The following SLC11A1 variants were observed in gnomAD, a reference collection of about 807,000 sequenced individuals.
SLC11A1 encodes the protein solute carrier family 11 member 1.
SLC11A1 carries 59 observed loss-of-function variants against 63.2 expected under a neutral mutation model. The ratio of observed to expected loss-of-function variants is 0.93; its 90% CI spans 0.76 to 1.16. SLC11A1 has a LOEUF of 1.16. Ranked by LOEUF, SLC11A1 falls within the 50% of genes most tolerant of loss-of-function variation. SLC11A1 has a pLI of 0.00. For synonymous variants in SLC11A1, 305 were observed against 307.8 expected (o/e 0.99, Z 0.09); for missense variants, 688 against 730.7 (o/e 0.94, Z 0.67).
Position 218,394,977 on chromosome 2 carries a change from A to C in SLC11A1, c.1595A>C (p.His532Pro). The change falls in exon 15 of 15, where the codon CAC (histidine) becomes CCC (proline). Residue 532 changes from histidine to proline, a missense_variant. By Grantham distance (77) the His-to-Pro change is moderately conservative (BLOSUM62 -2). Coordinates refer to ENST00000233202, the MANE Select transcript of SLC11A1 (RefSeq NM_000578.4). ...GCCACCTTTCTGGCCCACAGCTCCC[A>C]CCACCACTTCCTGTATGGGCTCCTT... ...HGATFLAHSSHHHFLYGLLEE... is the reference protein window; with the variant it reads ...HGATFLAHSSPHHFLYGLLEE... 2 of 1,613,366 alleles carry C rather than the reference A, an allele frequency of 1.2e-6. No individual in the cohort carries two copies. Among genetic ancestry groups the C allele is most frequent in the Non-Finnish European group, 8.5e-7 (1 of 1,179,738 alleles).
Position 218,384,075 on chromosome 2 carries a change from T to C in SLC11A1, c.151-168T>C. The C allele has an allele frequency of 1.7e-6, 1 of 571,780 alleles. No homozygotes were observed. Among genetic ancestry groups the C allele is most frequent in the Non-Finnish European group, 2.9e-6 (1 of 344,058 alleles). 35.4% of individuals were successfully genotyped at this position (571,780 alleles called of 1,614,324 possible). A position where few individuals can be genotyped will look rare whatever the true frequency, so the allele number is the denominator to read the frequency against. ...TGACTCATCAGAGCATGCTGCTTCC[T>C]CCACCCATGCCCTCCCCATCCCTTG... On this transcript the variant is annotated intron_variant, in intron 2 of 14. Transcript: ENST00000233202. The surrounding 1 kb of genome is among the most constrained non-coding windows in gnomAD (Gnocchi z 4.0).
chr2:218,386,970 A>G (rs1248413367), intron 5 of SLC11A1, 190 bp from the exon 6 acceptor site: 5 of 651,482 alleles, frequency 7.7e-6, no homozygotes, highest in Non-Finnish European at 1.4e-5. Context: ...GCCGGGTGCC[A>G]GGTCTCTCCT....
chr2:218,389,745 A>T, intron 8 of SLC11A1, 125 bp from the exon 9 acceptor site: 1 of 959,936 alleles, frequency 1.0e-6, no homozygotes, highest in Non-Finnish European at 1.5e-6. Context: ...AACCTGCCCC[A>T]GACTGCCACG....
intron 6 of SLC11A1, 21 bp from the exon 7 acceptor site, chr2:218,387,538 GTTTAGT>G (rs1559119029): frequency 6.2e-7 from 1 of 1,610,490 alleles, no homozygotes; most frequent in Non-Finnish European, 8.5e-7. Context: ...TCGTTGGTTT[GTTTAGT>G]TTGTTTGTTC....
At chr2:218,391,327 CT>C in intron 10 of SLC11A1, 40 bp downstream of exon 10, 1 of 1,613,818 alleles carries the variant, frequency 6.2e-7, no homozygotes, top group Non-Finnish European at 8.5e-7. Context: ...CCCAGAGAGG[CT>C]CCCCGCCTCG....
rs1196784160 is a variant in SLC11A1 at position 218,382,334 on chromosome 2, C to T, written c.-35C>T. On this transcript the variant is annotated 5_prime_UTR_variant, in exon 1 of 15. Transcript: ENST00000233202. ...GGCTGAGGAGCTGCCCAGAGCACCG[C>T]TCACACTCCCAGAGTACCTGAAGTC... The T allele has an allele frequency of 1.2e-6, 2 of 1,612,566 alleles. No homozygotes were observed. Among genetic ancestry groups the T allele is most frequent in the Non-Finnish European group, 1.7e-6 (2 of 1,179,196 alleles).
intron 1 of SLC11A1, among the ~76,000 whole-genome samples, chr2:218,382,715 T>C (rs1695870013): frequency 6.6e-6 from 1 of 152,130 alleles, no homozygotes; most frequent in Admixed American, 6.5e-5. Context: ...CTCTCTGCAT[T>C]CTCTGTGGCA....
At position 218,394,921 on chromosome 2, in the gene SLC11A1, C is replaced by T; in HGVS notation, c.1543-4C>T. The T allele has an allele frequency of 6.2e-7, 1 of 1,612,016 alleles. No individual in the cohort carries two copies. The highest frequency in any genetic ancestry group is 8.5e-7 in the Non-Finnish European group (1 of 1,179,126). On this transcript the variant is annotated splice_polypyrimidine_tract_variant and splice_region_variant and intron_variant, in intron 14 of 14. Transcript: ENST00000233202. Reference sequence around the variant, plus strand: ...TCCCCAATTCATGGTTGCCCCTCCCCCAGGTCTGGACCTGTTGCCTTGCCC... The same window carrying T: ...TCCCCAATTCATGGTTGCCCCTCCCTCAGGTCTGGACCTGTTGCCTTGCCC...
intron 13 of SLC11A1, 38 bp from the exon 14 acceptor site, chr2:218,394,594 G>T (rs1328922047): frequency 1.2e-6 from 2 of 1,602,462 alleles, no homozygotes; most frequent in Non-Finnish European, 1.7e-6. Context: ...TGGGCCAGCA[G>T]CAACCAGCCA....
rs920520618 is a variant in SLC11A1, at chr2:218,395,519, T to C, written c.*484T>C. 14 of 155,484 alleles carry C rather than the reference T, an allele frequency of 9.0e-5. No individual in the cohort carries two copies. The highest frequency in any genetic ancestry group is 7.1e-5 in the Non-Finnish European group (5 of 69,982). The allele number at this position is 155,484 out of a possible 1,614,324, so 9.6% of individuals were successfully genotyped here. A position where few individuals can be genotyped will look rare whatever the true frequency, so the allele number is the denominator to read the frequency against. On this transcript the variant is annotated 3_prime_UTR_variant, in exon 15 of 15. Coordinates refer to ENST00000233202, the MANE Select transcript of SLC11A1 (RefSeq NM_000578.4). Reference sequence around the variant, plus strand: ...TCTCCCTCTGTTGCCAAGGCTGGAGTGCAGTGGCGCAATCTTAACTCATTG... The same window carrying C: ...TCTCCCTCTGTTGCCAAGGCTGGAGCGCAGTGGCGCAATCTTAACTCATTG...
intron 1 of SLC11A1, 117 bp downstream of exon 1, chr2:218,382,492 TC>T: frequency 1.8e-6 from 2 of 1,132,178 alleles, no homozygotes; most frequent in South Asian, 2.7e-5. Flanking sequence ...AAGCCTCTGG[TC>T]CCCCGTGGGA....
At position 218,396,488 on chromosome 2, in the gene SLC11A1, G is replaced by A. The variant is rs888344831; in HGVS notation, c.*1453G>A. Reference sequence around the variant, plus strand: ...CCCCCGATTTCCTGGGGACCCAGCAGGGCAGGCGGCCTGGCTCCGCGCTCA... The same window carrying A: ...CCCCCGATTTCCTGGGGACCCAGCAAGGCAGGCGGCCTGGCTCCGCGCTCA... On this transcript the variant is annotated 3_prime_UTR_variant, in exon 15 of 15. Coordinates refer to ENST00000233202, the MANE Select transcript of SLC11A1 (RefSeq NM_000578.4). 6.6e-6 allele frequency: 1 copy of A among 152,466 alleles called. No individual in the cohort carries two copies. The highest frequency in any genetic ancestry group is 2.4e-5 in the African/African-American group (1 of 41,468). The allele number at this position is 152,466 out of a possible 1,614,324, so 9.4% of individuals were successfully genotyped here.
At chr2:218,392,399 T>C (rs1346792935) in intron 11 of SLC11A1, 2 of 170,400 alleles carry the variant, frequency 1.2e-5, no homozygotes, top group African/African-American at 4.8e-5. Flanking sequence ...TTCACTCTGT[T>C]GCTCAGGCTG....
chr2:218,386,255 C>T (rs1397281081), intron 4 of SLC11A1, among the ~76,000 whole-genome samples: 2 of 152,082 alleles, frequency 1.3e-5, no homozygotes, highest in Non-Finnish European at 2.9e-5. Context: ...GAGTTCGAGA[C>T]CAGCCTGACC....
chr2:218,391,612 T>C (rs904902339), intron 11 of SLC11A1, 117 bp downstream of exon 11: 3 of 1,284,062 alleles, frequency 2.3e-6, no homozygotes, highest in Non-Finnish European at 3.1e-6. Context: ...TTCTTCCTTT[T>C]TTTTTGTTTT....
At chr2:218,391,326 G>A (rs750137409) in intron 10 of SLC11A1, 39 bp downstream of exon 10, 1 of 1,613,886 alleles carries the variant, frequency 6.2e-7, no homozygotes, top group Non-Finnish European at 8.5e-7. Context: ...ACCCAGAGAG[G>A]CTCCCCGCCT....
intron 7 of SLC11A1, 23 bp downstream of exon 7, chr2:218,387,655 C>A (rs1176213905): frequency 6.2e-7 from 1 of 1,613,490 alleles, no homozygotes; most frequent in Non-Finnish European, 8.5e-7. Flanking sequence ...TGCTGCAACC[C>A]CACTGTGGAC....
chr2:218,391,481 C>T lies in SLC11A1; in HGVS notation c.1150C>T (p.Gln384Ter), dbSNP rs1257369515. 1 of 1,599,820 alleles carries T rather than the reference C, an allele frequency of 6.3e-7. No homozygotes were observed. Among genetic ancestry groups the T allele is most frequent in the South Asian group, 1.1e-5 (1 of 88,980 alleles). Residue 384 changes from glutamine (Q) to a stop codon, truncating the protein, a stop_gained, in exon 11 of 15, where the codon CAG (glutamine) becomes TAG (stop). Coordinates refer to ENST00000233202, the MANE Select transcript of SLC11A1 (RefSeq NM_000578.4). LOFTEE classifies it high-confidence loss of function. ...SSTMTGTYAG[Q>*]FVMEGFLRLR... ...CACCATGACGGGCACCTACGCGGGA[C>T]AGTTCGTGATGGAGGTAGGGCAGGG...
intron 1 of SLC11A1, 56 bp from the exon 2 acceptor site, chr2:218,382,904 A>C: frequency 6.2e-7 from 1 of 1,610,724 alleles, no homozygotes; most frequent in Non-Finnish European, 8.5e-7. Flanking sequence ...GGCGGCTTTA[A>C]CTCTGGGCCA....
Sources: allele counts gnomAD v4.1 joint callset (sites outside exome capture counted in the v4.1 genomes callset), GRCh38; gene constraint gnomAD v4.1.1; non-coding constraint Gnocchi (gnomAD v3.1); transcripts MANE v1.5; gene names NCBI Gene and HGNC (gene_info 2026-07-23, HGNC 2026-07-21).